The following PRH1 variants were observed in gnomAD, a reference collection of about 807,000 sequenced individuals.
PRH1 encodes salivary acidic proline-rich phosphoprotein 1/2.
Under a neutral mutation model 7.9 loss-of-function variants are expected in PRH1, and 7 were observed. The ratio of observed to expected loss-of-function variants is 0.89; its 90% CI spans 0.50 to 1.67. The LOEUF is 1.67. PRH1 is among the 40% of genes most tolerant of loss of function. The pLI, the probability that PRH1 is intolerant of heterozygous loss-of-function variation, is 0.00. For missense variants in PRH1, 109 were observed against 223.6 expected, an observed-to-expected ratio of 0.49 and a Z score of 3.27; for synonymous variants, 45 against 80.8, an observed-to-expected ratio of 0.56 and a Z score of 2.38.
chr12:11,049,806 GATT>G (rs1203539664), upstream of PRH1, among the ~76,000 whole-genome samples: 1 of 152,094 alleles, frequency 6.6e-6, no homozygotes, highest in Non-Finnish European at 1.5e-5. Flanking sequence ...TATCATCCAA[GATT>G]ATTTTGGAAA....
At chr12:11,078,432 T>C (rs1944380367) in intron 1 of PRH1, 1 of 147,936 alleles carries the variant, frequency 6.8e-6, no homozygotes, top group Non-Finnish European at 1.5e-5. Context: ...CAAAGCTGTC[T>C]TCATAGAAAT....
intron 2 of PRH1, among the ~76,000 whole-genome samples, chr12:10,968,798 C>T (rs1938641039): frequency 6.6e-6 from 1 of 152,226 alleles, no homozygotes; most frequent in Admixed American, 6.5e-5. Flanking sequence ...AAATTCTGTG[C>T]AGGCCCCGCA....
chr12:11,154,932 T>C (rs951077925), intron 1 of PRH1, among the ~76,000 whole-genome samples: 2 of 145,640 alleles, frequency 1.4e-5, no homozygotes, highest in Non-Finnish European at 3.1e-5. Flanking sequence ...GCGATATATT[T>C]TCAGTATCAT....
chr12:11,144,657 C>A (rs1286219165), intron 1 of PRH1, among the ~76,000 whole-genome samples: 1 of 152,198 alleles, frequency 6.6e-6, no homozygotes, highest in Non-Finnish European at 1.5e-5. Flanking sequence ...CTAGAGATTT[C>A]TTCTGCCTGG....
chr12:11,171,428 C>G, exon 1 of PRH1: 1 of 1,231,812 alleles, frequency 8.1e-7, no homozygotes, highest in Non-Finnish European at 1.0e-6. Flanking sequence ...CCACCTCGTA[C>G]GGCGTCTTCT....
chr12:11,119,020 G>C (rs1174662306), downstream of PRH1, among the ~76,000 whole-genome samples: 1 of 140,234 alleles, frequency 7.1e-6, no homozygotes. Context: ...AAAAAAAAAA[G>C]AGGGAGAGAG....
At chr12:10,998,863 T>C (rs908582091) in intron 1 of PRH1, among the ~76,000 whole-genome samples, 1 of 152,074 alleles carries the variant, frequency 6.6e-6, no homozygotes, top group African/African-American at 2.4e-5. Flanking sequence ...GAACAGAAAA[T>C]TACTACACTT....
At chr12:11,118,613 C>G (rs1236952203), downstream of PRH1, among the ~76,000 whole-genome samples, 6 of 152,180 alleles carry the variant, frequency 3.9e-5, no homozygotes, top group Non-Finnish European at 5.9e-5. Context: ...AAACAGGTAT[C>G]CACACTCCCA....
At chr12:11,164,976 C>T (rs757246858) in intron 1 of PRH1, among the ~76,000 whole-genome samples, 1 of 152,126 alleles carries the variant, frequency 6.6e-6, no homozygotes, top group Non-Finnish European at 1.5e-5. Flanking sequence ...TGTTTTCTGT[C>T]ACTATATTTT....
At chr12:11,043,656 C>G (rs555497695) in intron 1 of PRH1, among the ~76,000 whole-genome samples, 5 of 152,118 alleles carry the variant, frequency 3.3e-5, no homozygotes, top group African/African-American at 4.8e-5. Flanking sequence ...AGTGAACAAT[C>G]TGAAAACAAA....
At chr12:11,067,831 C>A (rs1457956966) in intron 1 of PRH1, among the ~76,000 whole-genome samples, 1 of 152,146 alleles carries the variant, frequency 6.6e-6, no homozygotes, top group Non-Finnish European at 1.5e-5. Flanking sequence ...CTTGTGCACT[C>A]CAGCCTGGGC....
At chr12:11,028,048 C>T (rs1942006446) in intron 1 of PRH1, among the ~76,000 whole-genome samples, 1 of 152,162 alleles carries the variant, frequency 6.6e-6, no homozygotes, top group East Asian at 1.9e-4. Context: ...CATGTGCTTT[C>T]TCAGATTCTC....
intron 2 of PRH1, among the ~76,000 whole-genome samples, chr12:10,969,548 A>T (rs764101804): frequency 8.3e-4 from 123 of 148,332 alleles, no homozygotes; most frequent in Middle Eastern, 6.9e-3. Flanking sequence ...TATTTCCAAA[A>T]GTTTGCTAGC....
intron 2 of PRH1, among the ~76,000 whole-genome samples, chr12:10,926,449 G>C (rs916192015): frequency 1.3e-5 from 2 of 152,180 alleles, no homozygotes; most frequent in African/African-American, 4.8e-5. Context: ...AGTCATGTGG[G>C]TGTGAAAGAG....
rs1941151969 is a variant in PRH1 at position 11,013,454 on chromosome 12, TTTAA to T, written c.-126+33562_-126+33565del. 3.3e-5 allele frequency among the ~76,000 whole-genome samples: 5 copies of T among 152,282 alleles called. No individual in the cohort carries two copies. The South Asian group carries it at 8.3e-4, about 25-fold the overall frequency. ...CACCATACACAAAAAATAACTCATA[TTTAA>T]TTGATTATAGAGCTAAATGTAAAAA... On this transcript the variant is annotated intron_variant, in intron 1 of 3. Transcript: ENST00000539853.
At chr12:11,138,185 T>A (rs758402484) in intron 1 of PRH1, among the ~76,000 whole-genome samples, 1 of 152,204 alleles carries the variant, frequency 6.6e-6, no homozygotes, top group Non-Finnish European at 1.5e-5. Flanking sequence ...AAATACTCTA[T>A]GCAATATACA....
intron 1 of PRH1, among the ~76,000 whole-genome samples, chr12:11,136,018 T>C (rs901860919): frequency 3.4e-5 from 5 of 148,620 alleles, no homozygotes; most frequent in Non-Finnish European, 6.0e-5. Context: ...AAGTAACCAT[T>C]ATGTGGAGCA....
chr12:11,138,791 CATTT>C (rs1250072501), intron 1 of PRH1, among the ~76,000 whole-genome samples: 153 of 130,212 alleles, frequency 1.2e-3, no homozygotes, highest in Non-Finnish European at 2.1e-3. Flanking sequence ...GTAATCCCAC[CATTT>C]TAGGAGGCTG....
At chr12:10,983,004 T>C (rs991945061) in intron 1 of PRH1, among the ~76,000 whole-genome samples, 3 of 152,158 alleles carry the variant, frequency 2.0e-5, no homozygotes, top group Admixed American at 6.5e-5. Flanking sequence ...TTGTCTCAAG[T>C]CAAACCCGAA....
Sources: allele counts gnomAD v4.1 joint callset (sites outside exome capture counted in the v4.1 genomes callset), GRCh38; gene constraint gnomAD v4.1.1; transcripts MANE v1.5; gene names NCBI Gene and HGNC (gene_info 2026-07-23, HGNC 2026-07-21).